The following PRRX2 variants were observed in gnomAD, a reference collection of about 807,000 sequenced individuals.
PRRX2 encodes the protein paired related homeobox 2.
Under a neutral mutation model 18.0 loss-of-function variants are expected in PRRX2, and 11 were observed. That is an observed-to-expected ratio of 0.61 (90% CI 0.39 to 1.01). The LOEUF (loss-of-function observed/expected upper bound fraction) is 1.01, where lower values mean the gene tolerates loss of function less well. Ranked by LOEUF, PRRX2 falls within the 50% of genes least tolerant of loss-of-function variation. PRRX2 has a pLI of 0.01. For missense variants in PRRX2, 387 were observed against 351.0 expected, an observed-to-expected ratio of 1.10 and a Z score of -0.82; for synonymous variants, 177 against 154.8, an observed-to-expected ratio of 1.14 and a Z score of -1.06.
chr9:129,672,564 C>G (rs1832112361), intron 1 of PRRX2, among the ~76,000 whole-genome samples: 1 of 152,188 alleles, frequency 6.6e-6, no homozygotes, highest in Non-Finnish European at 1.5e-5. Context: ...CAGGCAGGCG[C>G]AGGCTGCATT....
At chr9:129,702,112 C>A (rs924108976) in intron 1 of PRRX2, among the ~76,000 whole-genome samples, 1 of 145,858 alleles carries the variant, frequency 6.9e-6, no homozygotes, top group African/African-American at 2.5e-5. Flanking sequence ...AAACTTTCTA[C>A]GACTGCCAGG....
At chr9:129,722,067 C>T (rs974728419) in intron 3 of PRRX2, 150 bp from the exon 4 acceptor site, 21 of 1,165,016 alleles carry the variant, frequency 1.8e-5, no homozygotes, top group Non-Finnish European at 2.4e-6. Context: ...CTGCCCAAAC[C>T]CTACAGCTCC....
chr9:129,666,156 GCGGGGCCGGGGC>G lies in PRRX2; in HGVS notation c.259+49_259+60del, dbSNP rs551101163. ...GTACGGCCGGCCAGGGACGGGGGTG[GCGGGGCCGGGGC>G]CGGGGCCGGGGCCGGGGCGCGGGGT... On this transcript the variant is annotated intron_variant, in intron 1 of 3. Coordinates refer to ENST00000372469, the MANE Select transcript of PRRX2 (RefSeq NM_016307.4). 5.6e-3 allele frequency: 5,160 copies of G among 924,024 alleles called. 30 individuals are homozygous for G. The highest frequency in any genetic ancestry group is 6.3e-3 in the Non-Finnish European group (4,844 of 774,364). The allele number at this position is 924,024 out of a possible 1,614,324, so 57.2% of individuals were successfully genotyped here.
At chr9:129,707,262 AAAAT>A (rs535096597) in intron 1 of PRRX2, among the ~76,000 whole-genome samples, 221 of 152,192 alleles carry the variant, frequency 1.5e-3, no homozygotes, top group Middle Eastern at 3.4e-3. Context: ...TCTGTCTCAA[AAAAT>A]AAATAAATAA....
chr9:129,702,594 C>T (rs1187990317), intron 1 of PRRX2, among the ~76,000 whole-genome samples: 1 of 152,142 alleles, frequency 6.6e-6, no homozygotes, highest in Non-Finnish European at 1.5e-5. Context: ...ACGTGCAGCT[C>T]GTTGCTCCCA....
chr9:129,718,669 G>A (rs1832746132), intron 1 of PRRX2: 1 of 152,314 alleles, frequency 6.6e-6, no homozygotes, highest in South Asian at 2.1e-4. Flanking sequence ...TCCTCCTTAG[G>A]AATGATGAGG....
intron 1 of PRRX2, among the ~76,000 whole-genome samples, chr9:129,694,324 A>G (rs1421357493): frequency 5.3e-5 from 8 of 152,180 alleles, no homozygotes; most frequent in African/African-American, 1.7e-4. Context: ...AGCCGGGACT[A>G]TGGGTGTGTG....
rs1832102967 is a variant in PRRX2 at position 129,671,724 on chromosome 9, G to C, written c.259+5598G>C. Reference sequence around the variant, plus strand: ...ACTGCAGCTCCTGGAGATGCTCTCTGAGGGCCTGTGAGTCAGGCGAGGCTG... The same window carrying C: ...ACTGCAGCTCCTGGAGATGCTCTCTCAGGGCCTGTGAGTCAGGCGAGGCTG... On this transcript the variant is annotated intron_variant, in intron 1 of 3. Transcript: ENST00000372469. The surrounding 1 kb of genome is among the most constrained non-coding windows in gnomAD (Gnocchi z 4.0). Among the ~76,000 whole-genome samples the C allele has an allele frequency of 6.6e-6, 1 of 152,224 alleles. No homozygotes were observed. Among genetic ancestry groups the C allele is most frequent in the Non-Finnish European group, 1.5e-5 (1 of 68,036 alleles).
At chr9:129,689,637 G>C (rs1276309218) in intron 1 of PRRX2, among the ~76,000 whole-genome samples, 1 of 151,832 alleles carries the variant, frequency 6.6e-6, no homozygotes, top group Non-Finnish European at 1.5e-5. Flanking sequence ...CTCAACCCTG[G>C]CTGCACGGTA....
chr9:129,670,382 T>G (rs985848930), intron 1 of PRRX2, among the ~76,000 whole-genome samples: 8 of 152,108 alleles, frequency 5.3e-5, no homozygotes, highest in African/African-American at 1.9e-4. Flanking sequence ...AATTTTTTTA[T>G]TTTTTAGTTT....
intron 1 of PRRX2, among the ~76,000 whole-genome samples, chr9:129,684,460 C>CACACACA (rs1415884580): frequency 0.079 from 9,865 of 125,114 alleles, 578 homozygotes; most frequent in Non-Finnish European, 0.11. Flanking sequence ...ACACACACAC[C>CACACACA]CAACAGAAAA....
Position 129,722,211 on chromosome 9 carries a change from C to T in PRRX2, c.627-6C>T. The stretch of plus-strand genomic sequence containing the variant: ...CCATGTGACCTGTGTCTCATGTCGC[C>T]CCCAGCACAGTGCCACCCTACAGCC... On this transcript the variant is annotated splice_polypyrimidine_tract_variant and splice_region_variant and intron_variant, in intron 3 of 3. Coordinates refer to ENST00000372469, the MANE Select transcript of PRRX2 (RefSeq NM_016307.4). 6.2e-7 allele frequency: 1 copy of T among 1,612,994 alleles called. No individual in the cohort carries two copies.
chr9:129,682,913 T>G (rs1832251744), intron 1 of PRRX2, among the ~76,000 whole-genome samples: 1 of 142,122 alleles, frequency 7.0e-6, no homozygotes, highest in Non-Finnish European at 1.6e-5. Flanking sequence ...GAAACCAGCC[T>G]GACCAACATG....
intron 1 of PRRX2, among the ~76,000 whole-genome samples, chr9:129,677,464 G>C (rs1453283777): frequency 6.6e-6 from 1 of 152,228 alleles, no homozygotes; most frequent in Non-Finnish European, 1.5e-5. Flanking sequence ...CTCTGCCTCT[G>C]GGGGAGGCCC....
intron 1 of PRRX2, among the ~76,000 whole-genome samples, chr9:129,696,615 TTTA>T (rs1489123248): frequency 2.6e-5 from 4 of 152,100 alleles, no homozygotes; most frequent in Non-Finnish European, 5.9e-5. Flanking sequence ...AAAAATACAT[TTTA>T]TAAAGCAAAG....
rs760645440 is a variant in PRRX2, at chr9:129,677,958, CTTT to C, written c.259+11853_259+11855del. Among the ~76,000 whole-genome samples, 109 of 113,112 alleles carry C rather than the reference CTTT, an allele frequency of 9.6e-4. 1 individual carries two copies. Among genetic ancestry groups the C allele is most frequent in the African/African-American group, 3.8e-3 (95 of 25,198 alleles). The allele number at this position is 113,112 out of a possible 152,430, so 74.2% of individuals were successfully genotyped here. ...GCGGCTGCTTTTTCTTTCTTTCTTT[CTTT>C]TTTTTTTTTTTTTTTTTTTTGAGAT... On this transcript the variant is annotated intron_variant, in intron 1 of 3. Transcript: ENST00000372469.
At chr9:129,682,318 C>T (rs958599129) in intron 1 of PRRX2, among the ~76,000 whole-genome samples, 5 of 116,252 alleles carry the variant, frequency 4.3e-5, no homozygotes, top group Non-Finnish European at 1.9e-5. Context: ...CCCGCCGCTG[C>T]TGCTGTGCGC....
At chr9:129,683,304 A>G (rs900209589) in intron 1 of PRRX2, among the ~76,000 whole-genome samples, 1 of 152,198 alleles carries the variant, frequency 6.6e-6, no homozygotes, top group Admixed American at 6.5e-5. Flanking sequence ...ATAGACAGAT[A>G]TTGACATTTC....
intron 1 of PRRX2, among the ~76,000 whole-genome samples, chr9:129,689,300 G>C (rs189104092): frequency 6.6e-6 from 1 of 152,182 alleles, no homozygotes. Flanking sequence ...GGGCTTCCTC[G>C]TTTGGAAAAG....
Sources: allele counts gnomAD v4.1 joint callset (sites outside exome capture counted in the v4.1 genomes callset), GRCh38; gene constraint gnomAD v4.1.1; non-coding constraint Gnocchi (gnomAD v3.1); transcripts MANE v1.5; gene names NCBI Gene and HGNC (gene_info 2026-07-23, HGNC 2026-07-21).